Variants in INPP5B observed in about 807,000 individuals in gnomAD.
INPP5B encodes inositol polyphosphate-5-phosphatase B.
Under a neutral mutation model 118.5 loss-of-function variants are expected in INPP5B, and 90 were observed. The ratio of observed to expected loss-of-function variants is 0.76; its 90% CI spans 0.64 to 0.90. INPP5B has a LOEUF of 0.90. Ranked by LOEUF, INPP5B falls within the 40% of genes least tolerant of loss-of-function variation. The pLI is 0.00. For missense variants in INPP5B, 984 were observed against 1,125.6 expected (o/e 0.87, Z 1.80); for synonymous variants, 385 against 418.9 (o/e 0.92, Z 0.99).
At chr1:37,931,714 T>C (rs770941648) in intron 7 of INPP5B, 199 bp downstream of exon 7, 2 of 1,552,756 alleles carry the variant, frequency 1.3e-6, no homozygotes, top group South Asian at 1.1e-5. Flanking sequence ...GGCAGACATT[T>C]CCCTGCCTGC....
intron 7 of INPP5B, among the ~76,000 whole-genome samples, chr1:37,894,943 C>T (rs1015831288): frequency 6.6e-6 from 1 of 152,106 alleles, no homozygotes; most frequent in African/African-American, 2.4e-5. Flanking sequence ...CAAAATATAA[C>T]AAAAATAAGA....
intron 19 of INPP5B, among the ~76,000 whole-genome samples, chr1:37,872,370 CAAA>C (rs371968500): frequency 6.9e-5 from 7 of 102,116 alleles, no homozygotes; most frequent in African/African-American, 2.3e-4. Context: ...AACTCCGTCT[CAAA>C]AAAAAAAAAA....
At chr1:37,916,346 G>A (rs575134771) in intron 7 of INPP5B, among the ~76,000 whole-genome samples, 14 of 150,748 alleles carry the variant, frequency 9.3e-5, no homozygotes, top group South Asian at 4.2e-4. Flanking sequence ...CGCCCACCTC[G>A]ACCTCCCAAA....
At chr1:37,931,803 C>T in intron 7 of INPP5B, 110 bp downstream of exon 7, 1 of 1,607,652 alleles carries the variant, frequency 6.2e-7, no homozygotes, top group Non-Finnish European at 8.5e-7. Flanking sequence ...CCCGCTCCAT[C>T]AATCGAAAGC....
At position 37,875,663 on chromosome 1, in the gene INPP5B, G is replaced by A; in HGVS notation, c.1731C>T (p.Arg577=). Residue 577 remains arginine, a synonymous_variant, in exon 17 of 24, where the codon CGC becomes CGT. Transcript: ENST00000373024. The part of the protein sequence containing the change: ...LYRKTLEEIV[R]SLDKMENANI... Reference sequence around the variant, plus strand: ...TGGCATTTTCCATCTTATCCAGGGAGCGAACAATTTCCTCCAGTGTCTTCC... The same window carrying A: ...TGGCATTTTCCATCTTATCCAGGGAACGAACAATTTCCTCCAGTGTCTTCC... 3 of 1,614,180 alleles carry A rather than the reference G, an allele frequency of 1.9e-6. No individual in the cohort carries two copies. Among genetic ancestry groups the A allele is most frequent in the Non-Finnish European group, 2.5e-6 (3 of 1,180,008 alleles).
chr1:37,946,199 C>T, intron 2 of INPP5B, 53 bp downstream of exon 2: 1 of 1,549,712 alleles, frequency 6.5e-7, no homozygotes, highest in East Asian at 2.3e-5. Flanking sequence ...CCTTCCATTC[C>T]TCTTCCCAAG....
At chr1:37,938,161 C>T (rs935263747) in intron 6 of INPP5B, among the ~76,000 whole-genome samples, 2 of 151,032 alleles carry the variant, frequency 1.3e-5, no homozygotes, top group African/African-American at 2.4e-5. Flanking sequence ...ACCAGCTACT[C>T]GGGAGGCTGA....
chr1:37,887,604 G>T, intron 10 of INPP5B, 139 bp from the exon 11 acceptor site: 1 of 574,482 alleles, frequency 1.7e-6, no homozygotes. Flanking sequence ...AACATTTAGA[G>T]CCAAGGAACT....
chr1:37,924,716 G>A (rs971712909), intron 7 of INPP5B, among the ~76,000 whole-genome samples: 1 of 151,650 alleles, frequency 6.6e-6, no homozygotes, highest in African/African-American at 2.4e-5. Context: ...AGACCGGCCT[G>A]GGCAACACAG....
chr1:37,895,647 C>G (rs938497326), intron 7 of INPP5B, among the ~76,000 whole-genome samples: 4 of 152,218 alleles, frequency 2.6e-5, no homozygotes, highest in African/African-American at 4.8e-5. Flanking sequence ...CGAGTGCCTG[C>G]GATTGCAGGC....
intron 7 of INPP5B, among the ~76,000 whole-genome samples, chr1:37,892,554 G>C (rs992023180): frequency 2.0e-5 from 3 of 152,202 alleles, no homozygotes; most frequent in African/African-American, 7.2e-5. Flanking sequence ...AGGAGCTCTG[G>C]AGGAATGAAA....
chr1:37,900,341 G>A (rs191877075), intron 7 of INPP5B, among the ~76,000 whole-genome samples: 89 of 151,274 alleles, frequency 5.9e-4, no homozygotes, highest in African/African-American at 2.0e-3. Context: ...TGCAACCTCC[G>A]CCTCCAAGGT....
chr1:37,927,518 A>G (rs1248676748), intron 7 of INPP5B, among the ~76,000 whole-genome samples: 4 of 150,934 alleles, frequency 2.7e-5, no homozygotes, highest in East Asian at 1.9e-4. Flanking sequence ...AACTAGCTCC[A>G]TTTCATTTTT....
intron 6 of INPP5B, among the ~76,000 whole-genome samples, chr1:37,939,767 G>A (rs1234821538): frequency 6.6e-6 from 1 of 152,010 alleles, no homozygotes; most frequent in Non-Finnish European, 1.5e-5. Flanking sequence ...TTAGAGACAG[G>A]GGTCTCACTC....
intron 14 of INPP5B, among the ~76,000 whole-genome samples, chr1:37,881,413 G>A (rs1405406212): frequency 2.0e-5 from 3 of 152,160 alleles, no homozygotes; most frequent in African/African-American, 7.2e-5. Flanking sequence ...AAAACCACAG[G>A]TGCTCTTCCC....
intron 17 of INPP5B, 24 bp from the exon 18 acceptor site, chr1:37,874,179 G>GA (rs1391738667): frequency 5.2e-6 from 8 of 1,531,258 alleles, no homozygotes; most frequent in Admixed American, 1.8e-5. Flanking sequence ...CGGGGCCAGT[G>GA]AAAACCAGTG....
At chr1:37,935,088 C>A (rs2148673103) in intron 6 of INPP5B, among the ~76,000 whole-genome samples, 1 of 149,954 alleles carries the variant, frequency 6.7e-6, no homozygotes, top group East Asian at 2.1e-4. Context: ...GTACTCCCAG[C>A]TACTCGGGAG....
chr1:37,902,682 T>C (rs1297315905), intron 7 of INPP5B, among the ~76,000 whole-genome samples: 6 of 152,078 alleles, frequency 3.9e-5, no homozygotes, highest in African/African-American at 1.4e-4. Context: ...CTCAGCCTCC[T>C]GAGTATCTGG....
intron 21 of INPP5B, 48 bp from the exon 22 acceptor site, chr1:37,865,936 A>G: frequency 6.2e-7 from 1 of 1,602,786 alleles, no homozygotes. Flanking sequence ...GTCCATGGTT[A>G]GGAAAAGGCC....
Sources: allele counts gnomAD v4.1 joint callset (sites outside exome capture counted in the v4.1 genomes callset), GRCh38; gene constraint gnomAD v4.1.1; transcripts MANE v1.5; gene names NCBI Gene and HGNC (gene_info 2026-07-23, HGNC 2026-07-21).